The following SCAF4 variants were observed in gnomAD, a reference collection of about 807,000 sequenced individuals.
SCAF4 encodes the protein SR-related CTD associated factor 4, also known as SR-related and CTD-associated factor 4.
In SCAF4, 25 loss-of-function variants were observed where a neutral mutation model predicts 129.8. The ratio of observed to expected loss-of-function variants is 0.19; its 90% confidence interval spans 0.14 to 0.27. SCAF4 has a LOEUF of 0.27. SCAF4 is among the 10% of genes least tolerant of loss of function. The probability of loss-of-function intolerance (pLI) is 1.00; values close to 1 mark genes in which losing one functional copy is unlikely to be tolerated. For missense variants in SCAF4, 1,246 were observed against 1,457.1 expected (o/e 0.86, Z 2.36); for synonymous variants, 551 against 497.7 (o/e 1.11, Z -1.43).
rs751262375 is a variant in SCAF4 at position 31,672,236 on chromosome 21, G to C, written c.2607C>G (p.His869Gln). The change falls in exon 20 of 20, where the codon CAC becomes CAG. Residue 869 changes from histidine to glutamine, a missense_variant. His to Gln is a conservative substitution (Grantham distance 24). Coordinates refer to ENST00000286835, the MANE Select transcript of SCAF4 (RefSeq NM_020706.2). ...GCGGCATCAAAGGGAACCGCTGTAA[G>C]TGAGGTGGGGGCATTCCTGGAGGGC... The part of the protein sequence containing the change: ...LQRPPGMPPP[H>Q]LQRFPLMPPR... 1.2e-6 allele frequency: 2 copies of C among 1,612,352 alleles called. No homozygotes were observed. The highest frequency in any genetic ancestry group is 2.7e-5 in the African/African-American group (2 of 74,950).
At position 31,688,464 on chromosome 21, in the gene SCAF4, T is replaced by G; in HGVS notation, c.1886A>C (p.Asp629Ala). Reference sequence around the variant, plus strand: ...AGGCTTCTTAGGAATTCCTTTCCAATCTGTGAGCGTGAAAGAAATTTAACA... The same window carrying G: ...AGGCTTCTTAGGAATTCCTTTCCAAGCTGTGAGCGTGAAAGAAATTTAACA... ...GMLDSDTLNP[D>A]WKGIPKKPEN... Residue 629 changes from aspartate to alanine, a missense_variant and splice_region_variant, in exon 16 of 20, where the codon GAT becomes GCT. Asp to Ala is a moderately radical substitution (Grantham distance 126). Transcript: ENST00000286835. 1.2e-6 allele frequency: 2 copies of G among 1,612,466 alleles called. No homozygotes were observed. Among genetic ancestry groups the G allele is most frequent in the South Asian group, 2.2e-5 (2 of 90,896 alleles).
chr21:31,681,631 GGT>G (rs2049996722), intron 19 of SCAF4, among the ~76,000 whole-genome samples: 2 of 152,050 alleles, frequency 1.3e-5, no homozygotes, highest in African/African-American at 4.8e-5. Flanking sequence ...TAGCTATTTG[GGT>G]GTGTGAGATT....
rs554511400 is a variant in SCAF4 at position 31,702,682 on chromosome 21, C to A, written c.322-303G>T. 2.7e-3 allele frequency among the ~76,000 whole-genome samples: 417 copies of A among 151,642 alleles called. 1 individual carries two copies. Among genetic ancestry groups the A allele is most frequent in the African/African-American group, 9.4e-3 (390 of 41,382 alleles). On this transcript the variant is annotated intron_variant, in intron 4 of 19. Transcript: ENST00000286835. ...TACAAATAAACTATCACTGACCCCCCAAAAAAAAGCTATCTTGAAGTAAAT... is the reference window on the plus strand; with the variant it reads ...TACAAATAAACTATCACTGACCCCCAAAAAAAAAGCTATCTTGAAGTAAAT...
chr21:31,672,090 G>A lies in SCAF4; in HGVS notation c.2753C>T (p.Pro918Leu). Residue 918 changes from proline (P) to leucine (L), a missense_variant, in exon 20 of 20, where the codon CCT (proline) becomes CTT (leucine). Pro to Leu is a moderately conservative substitution (Grantham distance 98, BLOSUM62 -3). Coordinates refer to ENST00000286835, the MANE Select transcript of SCAF4 (RefSeq NM_020706.2). ...GCCCCCGAGCCCTGGCATTCCACCA[G>A]GCCTAACAAAGGGGCCATGCGGTGG... is the stretch of plus-strand genomic sequence containing the variant. ...PFPPHGPFVR[P>L]GGMPGLGGPG... 1 of 1,613,318 alleles carries A rather than the reference G, an allele frequency of 6.2e-7. No homozygotes were observed. The highest frequency in any genetic ancestry group is 8.5e-7 in the Non-Finnish European group (1 of 1,179,388).
Position 31,696,241 on chromosome 21 carries a change from C to A in SCAF4, c.960-20G>T. 6.3e-7 allele frequency: 1 copy of A among 1,586,482 alleles called. No individual in the cohort carries two copies. On this transcript the variant is annotated intron_variant, in intron 8 of 19. Transcript: ENST00000286835. ...AAGCCACTAAAAAAAGGTGGATAATCTTTTACCCATTCAAAAGCACAAGCT... is the reference window on the plus strand; with the variant it reads ...AAGCCACTAAAAAAAGGTGGATAATATTTTACCCATTCAAAAGCACAAGCT...
At chr21:31,682,584 G>C (rs765132332) in intron 19 of SCAF4, among the ~76,000 whole-genome samples, 3 of 152,162 alleles carry the variant, frequency 2.0e-5, no homozygotes, top group African/African-American at 4.8e-5. Context: ...GTGTTTTATA[G>C]ATGTTAGCCC....
chr21:31,702,405 T>C (rs1358071800), intron 4 of SCAF4, 26 bp from the exon 5 acceptor site: 4 of 1,601,094 alleles, frequency 2.5e-6, no homozygotes, highest in East Asian at 4.5e-5. Context: ...AACACAAATA[T>C]ACAATAAATA....
At chr21:31,687,491 A>G (rs1021112162) in intron 16 of SCAF4, among the ~76,000 whole-genome samples, 2 of 152,208 alleles carry the variant, frequency 1.3e-5, no homozygotes, top group Non-Finnish European at 1.5e-5. Context: ...TTCTACCAGA[A>G]TCTAGTATTG....
chr21:31,717,888 C>CACAT (rs1361407906), intron 1 of SCAF4, among the ~76,000 whole-genome samples: 35 of 114,410 alleles, frequency 3.1e-4, no homozygotes, highest in African/African-American at 1.1e-3. Flanking sequence ...CATATATACA[C>CACAT]ATATATACAC....
rs774153755 is a variant in SCAF4, at chr21:31,688,463, A to G, written c.1887T>C (p.Asp629=). The change falls in exon 16 of 20, where the codon GAT becomes GAC. Residue 629 remains aspartate (D), a splice_region_variant and synonymous_variant. Transcript: ENST00000286835. ...GMLDSDTLNP[D]WKGIPKKPEN... ...CAGGCTTCTTAGGAATTCCTTTCCA[A>G]TCTGTGAGCGTGAAAGAAATTTAAC... is the stretch of plus-strand genomic sequence containing the variant. 6.2e-7 allele frequency: 1 copy of G among 1,613,144 alleles called. No individual in the cohort carries two copies. Among genetic ancestry groups the G allele is most frequent in the South Asian group, 1.1e-5 (1 of 90,980 alleles).
At chr21:31,717,637 A>T (rs918801032) in intron 1 of SCAF4, among the ~76,000 whole-genome samples, 3 of 152,038 alleles carry the variant, frequency 2.0e-5, no homozygotes, top group Admixed American at 6.6e-5. Context: ...TTTGAAGCTC[A>T]GTTACTATGT....
Position 31,694,188 on chromosome 21 carries a change from A to G in SCAF4, c.1322+16T>C. 1 of 1,529,050 alleles carries G rather than the reference A, an allele frequency of 6.5e-7. No homozygotes were observed. The highest frequency in any genetic ancestry group is 9.0e-7 in the Non-Finnish European group (1 of 1,107,436). The allele number at this position is 1,529,050 out of a possible 1,614,324, so 94.7% of individuals were successfully genotyped here. ...TAAGATATACAGGGTTGGAAAAAAC[A>G]TTTTCTATAAATTACCTGGATGCTG... On this transcript the variant is annotated intron_variant, in intron 11 of 19. Coordinates refer to ENST00000286835, the MANE Select transcript of SCAF4 (RefSeq NM_020706.2).
Position 31,731,988 on chromosome 21 carries a change from C to T in SCAF4, c.-296G>A. ...GTGGTGGCGGCTGCGCTCTGCGTCT[C>T]GCTGACACGGCCCCCCGCGCCCTCA... is the stretch of plus-strand genomic sequence containing the variant. On this transcript the variant is annotated 5_prime_UTR_variant, in exon 1 of 20. Coordinates refer to ENST00000286835, the MANE Select transcript of SCAF4 (RefSeq NM_020706.2). 1 of 472,790 alleles carries T rather than the reference C, an allele frequency of 2.1e-6. No homozygotes were observed. The highest frequency in any genetic ancestry group is 3.7e-6 in the Non-Finnish European group (1 of 273,012). The allele number at this position is 472,790 out of a possible 1,614,324, so 29.3% of individuals were successfully genotyped here.
At chr21:31,685,545 T>C (rs557832665) in intron 17 of SCAF4, 23 bp downstream of exon 17, 5 of 1,613,964 alleles carry the variant, frequency 3.1e-6, no homozygotes, top group Admixed American at 3.3e-5. Context: ...CTCTAAAGTA[T>C]GTTCACAGAC....
At position 31,671,617 on chromosome 21, in the gene SCAF4, G is replaced by A; in HGVS notation, c.3226C>T (p.Arg1076Ter). The A allele has an allele frequency of 6.2e-7, 1 of 1,613,852 alleles. No homozygotes were observed. Among genetic ancestry groups the A allele is most frequent in the Non-Finnish European group, 8.5e-7 (1 of 1,179,974 alleles). ...RESRREKEEA[R>*]GKEKPEVTDR... The stretch of plus-strand genomic sequence containing the variant: ...GTCACCTCAGGCTTTTCCTTTCCTC[G>A]GGCTTCTTCCTTCTCTCTACGAGAC... The change falls in exon 20 of 20, where the codon CGA becomes TGA. Residue 1076 changes from arginine (R) to a stop codon, truncating the protein, a stop_gained. Transcript: ENST00000286835. LOFTEE classifies it high-confidence loss of function.
At chr21:31,707,526 C>A (rs181289197) in intron 1 of SCAF4, among the ~76,000 whole-genome samples, 1 of 152,174 alleles carries the variant, frequency 6.6e-6, no homozygotes, top group South Asian at 2.1e-4. Flanking sequence ...CATTAAGAAA[C>A]ATATCTACCT....
At chr21:31,706,038 C>A (rs2050653464) in intron 2 of SCAF4, among the ~76,000 whole-genome samples, 1 of 152,192 alleles carries the variant, frequency 6.6e-6, no homozygotes. Flanking sequence ...CCACTGCATT[C>A]CAGCCTGGGT....
At chr21:31,727,459 G>A (rs1488081954) in intron 1 of SCAF4, among the ~76,000 whole-genome samples, 1 of 152,154 alleles carries the variant, frequency 6.6e-6, no homozygotes, top group Non-Finnish European at 1.5e-5. Context: ...TCAGGATTTA[G>A]GCAAGATGGG....
chr21:31,690,816 G>A lies in SCAF4; in HGVS notation c.1866C>T (p.Asp622=), dbSNP rs1348767448. The change falls in exon 15 of 20, where the codon GAC becomes GAT. Residue 622 remains aspartate (D), a synonymous_variant. Coordinates refer to ENST00000286835, the MANE Select transcript of SCAF4 (RefSeq NM_020706.2). ...LESFCEGGML[D]SDTLNPDWKG... Reference sequence around the variant, plus strand: ...CTTTACCTGGGTTAAGTGTGTCACTGTCCAACATTCCTCCTTCACAAAAAC... The same window carrying A: ...CTTTACCTGGGTTAAGTGTGTCACTATCCAACATTCCTCCTTCACAAAAAC... 1 of 1,613,400 alleles carries A rather than the reference G, an allele frequency of 6.2e-7. No homozygotes were observed.
Sources: gnomAD v4.1 joint callset for allele counts (sites outside exome capture counted in the v4.1 genomes callset) on GRCh38, gnomAD v4.1.1 for gene constraint, MANE v1.5 for transcripts, NCBI Gene and HGNC (gene_info 2026-07-23, HGNC 2026-07-21) for gene names.